HSPA4L: variants seen among roughly 807,000 people sequenced by gnomAD.
HSPA4L encodes heat shock 70 kDa protein 4L.
In HSPA4L, 48 loss-of-function variants were observed where a neutral mutation model predicts 100.3. That is an observed-to-expected ratio of 0.48 (90% CI 0.38 to 0.61). The LOEUF (loss-of-function observed/expected upper bound fraction) is 0.61, where lower values mean the gene tolerates loss of function less well. Among genes scored for constraint, HSPA4L ranks in the 20% least tolerant of loss-of-function variants. The probability of loss-of-function intolerance (pLI) is 0.00; values close to 1 mark genes in which losing one functional copy is unlikely to be tolerated. For synonymous variants in HSPA4L, 319 were observed against 328.2 expected (o/e 0.97, Z 0.30); for missense variants, 886 against 988.6 (o/e 0.90, Z 1.39).
intron 1 of HSPA4L, among the ~76,000 whole-genome samples, chr4:127,786,119 G>A (rs1732709356): frequency 6.6e-6 from 1 of 152,184 alleles, no homozygotes; most frequent in South Asian, 2.1e-4. Flanking sequence ...ATTGCTATGT[G>A]CTAAGCAAGC....
chr4:127,809,363 G>T (rs1733462012), intron 11 of HSPA4L: 2 of 1,170,802 alleles, frequency 1.7e-6, no homozygotes, highest in Non-Finnish European at 2.6e-6. Flanking sequence ...TTGCAGCCCA[G>T]CAGAAGGCAG....
intron 1 of HSPA4L, 68 bp from the exon 2 acceptor site, chr4:127,794,009 G>T (rs1578692303): frequency 9.3e-7 from 1 of 1,071,656 alleles, no homozygotes; most frequent in South Asian, 1.7e-5. Flanking sequence ...TTCTTATAAG[G>T]AGAAGCAAAA....
At chr4:127,820,654 C>CT in intron 14 of HSPA4L, 89 bp downstream of exon 14, 1 of 1,243,890 alleles carries the variant, frequency 8.0e-7, no homozygotes, top group Non-Finnish European at 1.1e-6. Context: ...ATTTAGGGCA[C>CT]TAGTTTATAA....
intron 2 of HSPA4L, 55 bp downstream of exon 2, chr4:127,794,189 T>C: frequency 8.0e-6 from 11 of 1,367,494 alleles, no homozygotes; most frequent in Non-Finnish European, 1.1e-5. Flanking sequence ...TGAATATTGG[T>C]AACTAAGTTC....
intron 1 of HSPA4L, among the ~76,000 whole-genome samples, chr4:127,787,094 A>AT (rs568586711): frequency 3.3e-5 from 5 of 152,210 alleles, no homozygotes; most frequent in African/African-American, 1.2e-4. Context: ...TTTCTATCTT[A>AT]TTTTTTCCTA....
In HSPA4L at chr4:127,822,754, A is replaced by G. The variant is rs1310818947; in HGVS notation, c.1813-15A>G. On this transcript the variant is annotated splice_polypyrimidine_tract_variant and intron_variant, in intron 14 of 18. Transcript: ENST00000296464. ...GCATATTCTTATGGCAACTAATCTG[A>G]AGCTTTTTGAATAGGGGAAGATGAT... is the stretch of plus-strand genomic sequence containing the variant. 1 of 1,611,544 alleles carries G rather than the reference A, an allele frequency of 6.2e-7. No individual in the cohort carries two copies.
At chr4:127,808,151 C>T (rs758866358) in intron 11 of HSPA4L, 22 bp downstream of exon 11, 4 of 1,573,164 alleles carry the variant, frequency 2.5e-6, no homozygotes, top group Middle Eastern at 1.7e-4. Context: ...AAAAGTTCTC[C>T]ATAACATTTT....
intron 16 of HSPA4L, among the ~76,000 whole-genome samples, chr4:127,826,987 TAC>T (rs1376347022): frequency 2.0e-5 from 3 of 152,186 alleles, no homozygotes; most frequent in African/African-American, 4.8e-5. Flanking sequence ...GTATAGTTTT[TAC>T]AGTTTTCTTA....
rs1236988156 is a variant in HSPA4L at position 127,801,641 on chromosome 4, A to G, written c.530-144A>G. 4 of 612,286 alleles carry G rather than the reference A, an allele frequency of 6.5e-6. No individual in the cohort carries two copies. In the Admixed American group the frequency reaches 1.5e-4, roughly 22 times the overall value. 37.9% of individuals were successfully genotyped at this position (612,286 alleles called of 1,614,324 possible). A position where few individuals can be genotyped will look rare whatever the true frequency, so the allele number is the denominator to read the frequency against. ...AAAAAATAAAGTTAAAGCATTATTA[A>G]CCGAATTGTGAAAAGTTCATTTACT... On this transcript the variant is annotated intron_variant, in intron 5 of 18. Transcript: ENST00000296464.
In HSPA4L at chr4:127,801,902, A is replaced by T; in HGVS notation, c.647A>T (p.Asn216Ile). 1 of 1,599,428 alleles carries T rather than the reference A, an allele frequency of 6.3e-7. No individual in the cohort carries two copies. The highest frequency in any genetic ancestry group is 2.2e-5 in the East Asian group (1 of 44,736). The change falls in exon 6 of 19, where the codon AAC becomes ATC. Residue 216 changes from asparagine to isoleucine, a missense_variant. Coordinates refer to ENST00000296464, the MANE Select transcript of HSPA4L (RefSeq NM_014278.4). Reference sequence around the variant, plus strand: ...TATCAGGTCTTGGTTTGTGCTTTTAACAAAGGAAAACTTAAAGTAAGTAAA... The same window carrying T: ...TATCAGGTCTTGGTTTGTGCTTTTATCAAAGGAAAACTTAAAGTAAGTAAA... ...SAYQVLVCAF[N>I]KGKLKVLATT...
chr4:127,831,112 A>C (rs1356998409), intron 18 of HSPA4L, among the ~76,000 whole-genome samples: 1 of 152,194 alleles, frequency 6.6e-6, no homozygotes, highest in Non-Finnish European at 1.5e-5. Flanking sequence ...AAAATTTTTC[A>C]GTATAAGTCT....
intron 2 of HSPA4L, among the ~76,000 whole-genome samples, chr4:127,794,607 C>T (rs897600382): frequency 1.1e-4 from 16 of 152,008 alleles, no homozygotes; most frequent in African/African-American, 2.9e-4. Context: ...ATGATTAGAA[C>T]GTTGACTTTT....
At chr4:127,788,169 C>T (rs1732771235) in intron 1 of HSPA4L, among the ~76,000 whole-genome samples, 2 of 151,840 alleles carry the variant, frequency 1.3e-5, no homozygotes, top group Admixed American at 1.3e-4. Context: ...TATTGTCTAC[C>T]TATGTAAATA....
At chr4:127,798,545 A>G (rs1733085923) in intron 3 of HSPA4L, 42 bp from the exon 4 acceptor site, 2 of 1,600,466 alleles carry the variant, frequency 1.2e-6, no homozygotes, top group Non-Finnish European at 1.7e-6. Flanking sequence ...TTTGTTGGAT[A>G]AACAAATGAC....
chr4:127,804,293 T>C (rs991660074), intron 8 of HSPA4L, among the ~76,000 whole-genome samples: 1 of 152,202 alleles, frequency 6.6e-6, no homozygotes, highest in African/African-American at 2.4e-5. Flanking sequence ...GATCTTCTTA[T>C]TGTTTATATC....
At position 127,822,870 on chromosome 4, in the gene HSPA4L, CTA is replaced by C. The variant is rs1733849595; in HGVS notation, c.1916_1917del (p.Tyr639Ter). On this transcript the variant is annotated frameshift_variant, in exon 15 of 19. Transcript: ENST00000296464. LOFTEE classifies it high-confidence loss of function. ...YDFRDRLGTVYEKFITPEDLS... is the reference protein window; with the variant it reads ...YDFRDRLGTVXEKFITPEDLS... ...ATTTTAGAGACAGGCTGGGCACTGT[CTA>C]TGAAAAATTCATCACTCCAGAAGTA... The C allele has an allele frequency of 6.2e-7, 1 of 1,613,110 alleles. No homozygotes were observed. Among genetic ancestry groups the C allele is most frequent in the African/African-American group, 1.3e-5 (1 of 74,834 alleles).
At chr4:127,784,634 C>G (rs1375379423) in intron 1 of HSPA4L, among the ~76,000 whole-genome samples, 2 of 152,218 alleles carry the variant, frequency 1.3e-5, no homozygotes, top group Non-Finnish European at 2.9e-5. Flanking sequence ...TGTCACTTAC[C>G]TCAGAAGTGT....
chr4:127,831,428 G>GA (rs1157460175), intron 18 of HSPA4L, among the ~76,000 whole-genome samples: 3 of 150,190 alleles, frequency 2.0e-5, no homozygotes, highest in African/African-American at 7.4e-5. Context: ...TTGAGCCCAG[G>GA]AATTTGAGGC....
chr4:127,792,041 A>C (rs1732891702), intron 1 of HSPA4L, among the ~76,000 whole-genome samples: 1 of 152,182 alleles, frequency 6.6e-6, no homozygotes. Flanking sequence ...TTCTCTGAAA[A>C]TCCAGTAGTC....
Sources: gnomAD v4.1 joint callset for allele counts (sites outside exome capture counted in the v4.1 genomes callset) on GRCh38, gnomAD v4.1.1 for gene constraint, MANE v1.5 for transcripts, NCBI Gene and HGNC (gene_info 2026-07-23, HGNC 2026-07-21) for gene names.